The following GSR variants were observed in gnomAD, a reference collection of about 807,000 sequenced individuals.
GSR encodes glutathione-disulfide reductase, also known as glutathione reductase, mitochondrial.
A neutral mutation model predicts 56.5 loss-of-function variants in GSR; 48 were observed. The ratio of observed to expected loss-of-function variants is 0.85; its 90% CI spans 0.67 to 1.08. GSR has a LOEUF of 1.08. Ranked by LOEUF, GSR falls within the 50% of genes least tolerant of loss-of-function variation. The pLI is 0.00. For synonymous variants in GSR, 264 were observed against 270.8 expected (o/e 0.97, Z 0.25); for missense variants, 694 against 703.3 (o/e 0.99, Z 0.15).
At chr8:30,685,458 T>TA (rs1803129213) in intron 9 of GSR, among the ~76,000 whole-genome samples, 1 of 152,126 alleles carries the variant, frequency 6.6e-6, no homozygotes, top group African/African-American at 2.4e-5. Flanking sequence ...CACTCTACTC[T>TA]AAAACATACT....
chr8:30,706,472 C>T (rs1344258762), intron 4 of GSR, among the ~76,000 whole-genome samples: 1 of 152,130 alleles, frequency 6.6e-6, no homozygotes, highest in African/African-American at 2.4e-5. Context: ...CACTGCATTC[C>T]AGCCTGGGCG....
chr8:30,696,562 G>C (rs1803548963), intron 6 of GSR, 83 bp from the exon 7 acceptor site: 2 of 913,746 alleles, frequency 2.2e-6, no homozygotes, highest in Admixed American at 3.5e-5. Context: ...TGCAGAGATA[G>C]TACAGAGATT....
intron 1 of GSR, among the ~76,000 whole-genome samples, chr8:30,718,525 C>G (rs138851882): frequency 1.3e-5 from 2 of 152,172 alleles, no homozygotes; most frequent in Non-Finnish European, 2.9e-5. Flanking sequence ...GCTCCCCACA[C>G]GCACACAAGG....
chr8:30,711,960 C>T, intron 2 of GSR, 102 bp downstream of exon 2: 1 of 712,322 alleles, frequency 1.4e-6, no homozygotes, highest in Non-Finnish European at 2.5e-6. Flanking sequence ...GTTTTTTTTG[C>T]AGAAAGAATT....
intron 9 of GSR, among the ~76,000 whole-genome samples, chr8:30,684,636 A>T (rs944029375): frequency 2.6e-5 from 4 of 152,236 alleles, no homozygotes; most frequent in African/African-American, 4.8e-5. Context: ...GGATCACTCA[A>T]CTATCAGGTG....
chr8:30,679,304 C>A lies in GSR; in HGVS notation c.*216G>T. On this transcript the variant is annotated 3_prime_UTR_variant, in exon 13 of 13. Transcript: ENST00000221130. ...AAAAAAAACTTGAAAATATTAATTA[C>A]TGTGAGATGTGATCAAATGAAAATC... The A allele has an allele frequency of 1.8e-6, 1 of 564,422 alleles. No homozygotes were observed. The highest frequency in any genetic ancestry group is 3.1e-6 in the Non-Finnish European group (1 of 319,010). 35.0% of individuals were successfully genotyped at this position (564,422 alleles called of 1,614,324 possible). A position where few individuals can be genotyped will look rare whatever the true frequency, so the allele number is the denominator to read the frequency against.
intron 9 of GSR, among the ~76,000 whole-genome samples, chr8:30,688,813 C>T (rs2128739710): frequency 6.6e-6 from 1 of 151,892 alleles, no homozygotes; most frequent in East Asian, 1.9e-4. Flanking sequence ...GTTCCATCTA[C>T]TCCAGAAGCT....
At chr8:30,694,625 C>T (rs1324448275) in intron 7 of GSR, among the ~76,000 whole-genome samples, 1 of 151,488 alleles carries the variant, frequency 6.6e-6, no homozygotes, top group East Asian at 1.9e-4. Context: ...AAGACCTCAT[C>T]TCTAAAAATA....
intron 1 of GSR, among the ~76,000 whole-genome samples, chr8:30,722,770 A>G (rs548907516): frequency 6.7e-6 from 1 of 149,906 alleles, no homozygotes; most frequent in Admixed American, 6.6e-5. Context: ...TCCAGTGTTC[A>G]GCTTTACCAG....
intron 10 of GSR, among the ~76,000 whole-genome samples, chr8:30,683,335 C>T (rs574872274): frequency 1.3e-5 from 2 of 152,140 alleles, no homozygotes; most frequent in East Asian, 3.9e-4. Context: ...CCCTGGGACA[C>T]GCTGGAATCG....
intron 1 of GSR, 31 bp from the exon 2 acceptor site, chr8:30,712,119 G>C: frequency 7.9e-7 from 1 of 1,261,814 alleles, no homozygotes; most frequent in Admixed American, 1.9e-5. Flanking sequence ...CACACTTTAA[G>C]AATATTGAAT....
At chr8:30,685,085 G>A (rs8191020) in intron 9 of GSR, among the ~76,000 whole-genome samples, 6 of 151,796 alleles carry the variant, frequency 4.0e-5, no homozygotes, top group African/African-American at 1.2e-4. Context: ...TCAGCCTCCC[G>A]AGTAGCTGGG....
chr8:30,696,419 G>T lies in GSR; in HGVS notation c.756C>A (p.Ala252=). The T allele has an allele frequency of 6.2e-7, 1 of 1,612,896 alleles. No individual in the cohort carries two copies. Among genetic ancestry groups the T allele is most frequent in the Non-Finnish European group, 8.5e-7 (1 of 1,178,910 alleles). The part of the protein sequence containing the change: ...IAVEMAGILS[A]LGSKTSLMIR... ...TCATCAGTGATGTCTTAGAACCCAGGGCTGACAGGATCCCTGCCATCTCCA... is the reference window on the plus strand; with the variant it reads ...TCATCAGTGATGTCTTAGAACCCAGTGCTGACAGGATCCCTGCCATCTCCA... The change falls in exon 7 of 13, where the codon GCC becomes GCA. Residue 252 remains alanine, a synonymous_variant. Coordinates refer to ENST00000221130, the MANE Select transcript of GSR (RefSeq NM_000637.5).
At chr8:30,693,102 A>G (rs1278399615) in intron 7 of GSR, 47 bp from the exon 8 acceptor site, 1 of 1,174,556 alleles carries the variant, frequency 8.5e-7, no homozygotes, top group Non-Finnish European at 1.3e-6. Flanking sequence ...AGAAAACTTG[A>G]GCAAAGACAC....
intron 10 of GSR, among the ~76,000 whole-genome samples, chr8:30,683,474 C>A (rs894295696): frequency 6.6e-6 from 1 of 152,074 alleles, no homozygotes; most frequent in Non-Finnish European, 1.5e-5. Flanking sequence ...GGAAATCAGT[C>A]TTGGTTGTAT....
chr8:30,688,931 A>AAT (rs1491063004), intron 9 of GSR, among the ~76,000 whole-genome samples: 1 of 152,136 alleles, frequency 6.6e-6, no homozygotes, highest in African/African-American at 2.4e-5. Flanking sequence ...CAAAAACAAA[A>AAT]AGAAAAAAAC....
chr8:30,720,018 T>C (rs973611370), intron 1 of GSR, among the ~76,000 whole-genome samples: 1 of 152,062 alleles, frequency 6.6e-6, no homozygotes, highest in African/African-American at 2.4e-5. Context: ...GAGACCGGCC[T>C]GAGAAACATA....
intron 5 of GSR, among the ~76,000 whole-genome samples, chr8:30,701,932 T>G (rs1341947415): frequency 6.6e-6 from 1 of 150,904 alleles, no homozygotes; most frequent in Non-Finnish European, 1.5e-5. Flanking sequence ...AAAAGAAAGA[T>G]ATCGCTTGAG....
In GSR at chr8:30,703,093, C is replaced by A; in HGVS notation, c.640G>T (p.Gly214Cys). ...PSTPHESQIPGASLGITSDGF... is the reference protein window; with the variant it reads ...PSTPHESQIPCASLGITSDGF... The stretch of plus-strand genomic sequence containing the variant: ...AATGAGTACCTGTTGTATGACTCAC[C>A]GGGGATCTGGCTCTCATGAGGGGTG... The change falls in exon 5 of 13, where the codon GGT (glycine) becomes TGT (cysteine). Residue 214 changes from glycine (G) to cysteine (C), a missense_variant and splice_region_variant. By Grantham distance (159) the Gly-to-Cys change is radical. Coordinates refer to ENST00000221130, the MANE Select transcript of GSR (RefSeq NM_000637.5). 6.2e-7 allele frequency: 1 copy of A among 1,613,848 alleles called. No individual in the cohort carries two copies. The highest frequency in any genetic ancestry group is 8.5e-7 in the Non-Finnish European group (1 of 1,179,852).
Sources: allele counts gnomAD v4.1 joint callset (sites outside exome capture counted in the v4.1 genomes callset), GRCh38; gene constraint gnomAD v4.1.1; transcripts MANE v1.5; gene names NCBI Gene and HGNC (gene_info 2026-07-23, HGNC 2026-07-21).